Variants in PCP4 observed in about 807,000 individuals in gnomAD.
PCP4 encodes Purkinje cell protein 4.
In PCP4, 8 loss-of-function variants were observed where a neutral mutation model predicts 10.0. The ratio of observed to expected loss-of-function variants is 0.80; its 90% CI spans 0.47 to 1.45. PCP4 has a LOEUF of 1.45. Ranked by LOEUF, PCP4 falls within the 40% of genes most tolerant of loss-of-function variation. The probability of loss-of-function intolerance (pLI) is 0.00; values close to 1 mark genes in which losing one functional copy is unlikely to be tolerated. For synonymous variants in PCP4, 21 were observed against 23.0 expected, an observed-to-expected ratio of 0.91 and a Z score of 0.24; for missense variants, 54 against 74.4, an observed-to-expected ratio of 0.73 and a Z score of 1.01.
intron 2 of PCP4, among the ~76,000 whole-genome samples, chr21:39,902,186 G>A (rs1302348372): frequency 6.6e-6 from 1 of 151,710 alleles, no homozygotes; most frequent in Non-Finnish European, 1.5e-5. Flanking sequence ...GAAATATGAA[G>A]TATTAAAAAA....
At chr21:39,890,558 G>A (rs1016595158) in intron 1 of PCP4, among the ~76,000 whole-genome samples, 15 of 150,978 alleles carry the variant, frequency 9.9e-5, no homozygotes, top group African/African-American at 2.7e-4. Context: ...TAGTAGAGAC[G>A]GGTTTTCACC....
At chr21:39,872,812 G>A (rs192831549) in intron 1 of PCP4, among the ~76,000 whole-genome samples, 205 of 152,284 alleles carry the variant, frequency 1.3e-3, no homozygotes, top group African/African-American at 4.5e-3. Flanking sequence ...GAGGCTTGTG[G>A]TTGGGATACA....
At chr21:39,903,723 C>A (rs1325974433) in intron 2 of PCP4, among the ~76,000 whole-genome samples, 5 of 151,378 alleles carry the variant, frequency 3.3e-5, no homozygotes, top group Non-Finnish European at 7.4e-5. Context: ...AAAAAATTAT[C>A]CGGGCGCGGT....
intron 1 of PCP4, among the ~76,000 whole-genome samples, chr21:39,897,833 T>C (rs1351110599): frequency 6.6e-6 from 1 of 151,210 alleles, no homozygotes; most frequent in Non-Finnish European, 1.5e-5. Context: ...GATTATGAGG[T>C]CAGGAGATCG....
chr21:39,924,420 C>T (rs76979442), intron 2 of PCP4, among the ~76,000 whole-genome samples: 1 of 152,276 alleles, frequency 6.6e-6, no homozygotes, highest in Admixed American at 6.5e-5. Context: ...AATCCATAGA[C>T]CCACTTCTGC....
rs554245912 is a variant in PCP4 at position 39,909,668 on chromosome 21, G to A, written c.61+11141G>A. Among the ~76,000 whole-genome samples, 26 of 152,274 alleles carry A rather than the reference G, an allele frequency of 1.7e-4. 1 individual carries two copies. Among genetic ancestry groups the A allele is most frequent in the Admixed American group, 6.5e-4 (10 of 15,300 alleles). ...GAGGAGGAACTGGGAAGTCAGCGAC[G>A]TGGCCTCCATCACAACGTTTATGAA... On this transcript the variant is annotated intron_variant, in intron 2 of 2. Coordinates refer to ENST00000328619, the MANE Select transcript of PCP4 (RefSeq NM_006198.3).
chr21:39,922,593 G>T (rs906238793), intron 2 of PCP4, among the ~76,000 whole-genome samples: 3 of 152,172 alleles, frequency 2.0e-5, no homozygotes, highest in Non-Finnish European at 4.4e-5. Flanking sequence ...GCCTCAGGGA[G>T]CATCATTTCT....
intron 2 of PCP4, among the ~76,000 whole-genome samples, chr21:39,903,730 C>T (rs6517576): frequency 0.086 from 12,973 of 150,218 alleles, 726 homozygotes; most frequent in African/African-American, 0.15. Context: ...TATCCGGGCG[C>T]GGTGGCGGGC....
At chr21:39,893,469 A>G (rs1791963512) in intron 1 of PCP4, among the ~76,000 whole-genome samples, 1 of 152,226 alleles carries the variant, frequency 6.6e-6, no homozygotes, top group Non-Finnish European at 1.5e-5. Flanking sequence ...GAACACTGCC[A>G]AGAATGGAAA....
At chr21:39,879,179 G>A (rs1294576625) in intron 1 of PCP4, among the ~76,000 whole-genome samples, 1 of 151,984 alleles carries the variant, frequency 6.6e-6, no homozygotes, top group Non-Finnish European at 1.5e-5. Context: ...AGTAGAGATG[G>A]GGTTTCACCA....
At chr21:39,880,464 AGTGT>A (rs374300626) in intron 1 of PCP4, among the ~76,000 whole-genome samples, 7 of 148,654 alleles carry the variant, frequency 4.7e-5, no homozygotes, top group Non-Finnish European at 8.8e-5. Flanking sequence ...CGTGTGTGTG[AGTGT>A]GTGTGTGTGC....
intron 1 of PCP4, among the ~76,000 whole-genome samples, chr21:39,892,231 G>A (rs11702587): frequency 0.27 from 40,608 of 152,116 alleles, 5,808 homozygotes; most frequent in Admixed American, 0.32. Context: ...CCCCATGTCC[G>A]CCGGTTATTC....
intron 2 of PCP4, among the ~76,000 whole-genome samples, chr21:39,914,450 G>A (rs986881617): frequency 2.4e-4 from 37 of 151,878 alleles, no homozygotes; most frequent in Non-Finnish European, 4.0e-4. Context: ...GTGTGGTGGC[G>A]TGTGCCTATA....
intron 1 of PCP4, among the ~76,000 whole-genome samples, chr21:39,884,211 C>T (rs1191132140): frequency 4.7e-5 from 7 of 149,136 alleles, no homozygotes; most frequent in Non-Finnish European, 8.9e-5. Flanking sequence ...TGGAATTTCT[C>T]TTTTGTTGCC....
intron 2 of PCP4, among the ~76,000 whole-genome samples, chr21:39,916,801 G>A (rs1477124820): frequency 3.3e-5 from 5 of 152,204 alleles, no homozygotes; most frequent in African/African-American, 2.4e-5. Context: ...TTGCAGGGAC[G>A]TGGATGGAGT....
At chr21:39,873,247 T>C (rs928867621) in intron 1 of PCP4, among the ~76,000 whole-genome samples, 1 of 152,188 alleles carries the variant, frequency 6.6e-6, no homozygotes, top group African/African-American at 2.4e-5. Flanking sequence ...TAAGCAGATC[T>C]GTAGTAATAT....
At chr21:39,884,955 G>A (rs1214329814) in intron 1 of PCP4, among the ~76,000 whole-genome samples, 1 of 152,138 alleles carries the variant, frequency 6.6e-6, no homozygotes, top group East Asian at 1.9e-4. Context: ...TACGATGCAA[G>A]GTATTTACAC....
intron 2 of PCP4, among the ~76,000 whole-genome samples, chr21:39,919,924 GTGTT>G (rs934881226): frequency 1.3e-5 from 2 of 150,392 alleles, no homozygotes; most frequent in African/African-American, 4.9e-5. Context: ...CTGGTGAGGT[GTGTT>G]TGTGTATGAG....
chr21:39,893,065 C>T, intron 1 of PCP4, among the ~76,000 whole-genome samples: 1 of 152,030 alleles, frequency 6.6e-6, no homozygotes, highest in Admixed American at 6.6e-5. Context: ...TTGGTTATAC[C>T]TCTCAATGGC....
Sources: gnomAD v4.1 joint callset for allele counts (sites outside exome capture counted in the v4.1 genomes callset) on GRCh38, gnomAD v4.1.1 for gene constraint, MANE v1.5 for transcripts, NCBI Gene and HGNC (gene_info 2026-07-23, HGNC 2026-07-21) for gene names.